Variants in PCDHA11 observed in about 807,000 individuals in gnomAD.
PCDHA11 encodes protocadherin alpha 11, also known as protocadherin alpha-11.
Under a neutral mutation model 70.3 loss-of-function variants are expected in PCDHA11, and 61 were observed. The ratio of observed to expected loss-of-function variants is 0.87; its 90% CI spans 0.71 to 1.07. The LOEUF is 1.07. Among genes scored for constraint, PCDHA11 ranks in the 50% least tolerant of loss-of-function variants. PCDHA11 has a pLI of 0.00. For missense variants in PCDHA11, 1,324 were observed against 1,237.5 expected (o/e 1.07, Z -1.05); for synonymous variants, 633 against 555.1 (o/e 1.14, Z -1.97).
At chr5:140,966,825 T>C in intron 1 of PCDHA11, 3 of 1,560,026 alleles carry the variant, frequency 1.9e-6, no homozygotes, top group Non-Finnish European at 2.6e-6. Flanking sequence ...CGGCGGCCCA[T>C]GCCCTGGCTG....
At chr5:140,938,907 A>T (rs2092260332) in intron 1 of PCDHA11, among the ~76,000 whole-genome samples, 1 of 152,090 alleles carries the variant, frequency 6.6e-6, no homozygotes, top group Non-Finnish European at 1.5e-5. Context: ...GCACACACAC[A>T]CACGCACAAG....
chr5:140,916,161 GC>G (rs2077457967), intron 1 of PCDHA11, among the ~76,000 whole-genome samples: 1 of 152,084 alleles, frequency 6.6e-6, no homozygotes, highest in African/African-American at 2.4e-5. Flanking sequence ...GGTGAATGCT[GC>G]CAGGCCTGGG....
At chr5:140,877,535 A>T in intron 1 of PCDHA11, 1 of 1,613,750 alleles carries the variant, frequency 6.2e-7, no homozygotes, top group Admixed American at 1.7e-5. Flanking sequence ...GGCGCTGTGG[A>T]TCCCGAAGCG....
At chr5:140,882,424 G>A in intron 1 of PCDHA11, 1 of 1,614,114 alleles carries the variant, frequency 6.2e-7, no homozygotes, top group Non-Finnish European at 8.5e-7. Context: ...CTCAGGACCT[G>A]GGGCTGGAGC....
At chr5:140,990,025 T>C (rs2097371572) in intron 3 of PCDHA11, among the ~76,000 whole-genome samples, 1 of 151,914 alleles carries the variant, frequency 6.6e-6, no homozygotes, top group African/African-American at 2.4e-5. Flanking sequence ...AGGCAAAGGA[T>C]GGGAGAAGTC....
intron 1 of PCDHA11, among the ~76,000 whole-genome samples, chr5:140,941,438 C>G (rs1408570275): frequency 6.6e-6 from 1 of 150,766 alleles, no homozygotes; most frequent in East Asian, 1.9e-4. Flanking sequence ...GCCTCAGCCT[C>G]GGGAGTAGCT....
chr5:140,905,427 A>G lies in PCDHA11; in HGVS notation c.2391+33933A>G, dbSNP rs185931856. 5.3e-5 allele frequency among the ~76,000 whole-genome samples: 8 copies of G among 152,298 alleles called. No homozygotes were observed. The East Asian group carries it at 1.5e-3, about 29-fold the overall frequency. ...TTTATACCAGTACCATGCTGGTTTG[A>G]TAACTACAGCCTTTTAGTATAATTT... On this transcript the variant is annotated intron_variant, in intron 1 of 3. Transcript: ENST00000398640.
At position 140,960,310 on chromosome 5, in the gene PCDHA11, C is replaced by A. The variant is rs143765051; in HGVS notation, c.2392-18639C>A. Among the ~76,000 whole-genome samples, 659 of 152,264 alleles carry A rather than the reference C, an allele frequency of 4.3e-3. 9 individuals are homozygous for A. Among genetic ancestry groups the A allele is most frequent in the Admixed American group, 4.1e-3 (63 of 15,288 alleles). ...CCAGTTTCTTCATCAATACCAACCTCATTAGGGTCCTGTGAGAAGTACATG... is the reference window on the plus strand; with the variant it reads ...CCAGTTTCTTCATCAATACCAACCTAATTAGGGTCCTGTGAGAAGTACATG... On this transcript the variant is annotated intron_variant, in intron 1 of 3. Transcript: ENST00000398640.
At position 140,870,884 on chromosome 5, in the gene PCDHA11, G is replaced by T. The variant is rs376620715; in HGVS notation, c.1781G>T (p.Arg594Leu). Residue 594 changes from arginine to leucine, a missense_variant, in exon 1 of 4, where the codon CGC becomes CTC. By Grantham distance (102) the Arg-to-Leu change is moderately radical (BLOSUM62 -2). Coordinates refer to ENST00000398640, the MANE Select transcript of PCDHA11 (RefSeq NM_018902.5). ...VGAGHVVAKV[R>L]AVDADSGYNA... ...GCGGGCCACGTGGTGGCGAAGGTGC[G>T]CGCAGTGGATGCGGACTCAGGCTAC... is the stretch of plus-strand genomic sequence containing the variant. The T allele has an allele frequency of 9.3e-6, 15 of 1,613,948 alleles. No individual in the cohort carries two copies. In the African/African-American group the frequency reaches 1.7e-4, roughly 19 times the overall value.
At chr5:140,941,204 T>TTTCC (rs1348435161) in intron 1 of PCDHA11, among the ~76,000 whole-genome samples, 2 of 88,662 alleles carry the variant, frequency 2.3e-5, no homozygotes, top group Non-Finnish European at 4.4e-5. Flanking sequence ...TCTTTCTTCC[T>TTTCC]TTCTTTCTTC....
At position 140,924,416 on chromosome 5, in the gene PCDHA11, T is replaced by A. The variant is rs1283567998; in HGVS notation, c.2391+52922T>A. 1.3e-5 allele frequency among the ~76,000 whole-genome samples: 2 copies of A among 152,192 alleles called. 1 individual carries two copies. The highest frequency in any genetic ancestry group is 4.1e-4 in the South Asian group (2 of 4,830). ...TATTGCCTTATATCACAGTGTGCCC[T>A]TTCTAGTTCCCTAGAAGAGATAACG... is the stretch of plus-strand genomic sequence containing the variant. On this transcript the variant is annotated intron_variant, in intron 1 of 3. Coordinates refer to ENST00000398640, the MANE Select transcript of PCDHA11 (RefSeq NM_018902.5).
At chr5:141,006,837 TG>T (rs1477008780) in intron 3 of PCDHA11, among the ~76,000 whole-genome samples, 2 of 152,186 alleles carry the variant, frequency 1.3e-5, no homozygotes, top group African/African-American at 4.8e-5. Context: ...TGTAATTTAC[TG>T]AAACTGGAAA....
intron 1 of PCDHA11, among the ~76,000 whole-genome samples, chr5:140,908,023 A>G (rs797031285): frequency 5.9e-5 from 9 of 152,314 alleles, no homozygotes; most frequent in Admixed American, 2.6e-4. Context: ...GCTACAGCCC[A>G]TTAATCAGTA....
chr5:140,870,632 A>G lies in PCDHA11; in HGVS notation c.1529A>G (p.His510Arg). 1 of 1,612,930 alleles carries G rather than the reference A, an allele frequency of 6.2e-7. No individual in the cohort carries two copies. Among genetic ancestry groups the G allele is most frequent in the Non-Finnish European group, 8.5e-7 (1 of 1,179,782 alleles). The change falls in exon 1 of 4, where the codon CAC (histidine) becomes CGC (arginine). Residue 510 changes from histidine (H) to arginine (R), a missense_variant. Physicochemically the swap from His to Arg is conservative, Grantham distance 29. Transcript: ENST00000398640. ...GCGCTGTCGAGCTACGTGTCGGTGC[A>G]CGCGGAGAGCGGCAAGGTGTACGCG... The part of the protein sequence containing the change: ...DRALSSYVSV[H>R]AESGKVYALQ...
At position 141,010,952 on chromosome 5, in the gene PCDHA11, T is replaced by C. The variant is rs1217882818; in HGVS notation, c.*1015T>C. On this transcript the variant is annotated 3_prime_UTR_variant, in exon 4 of 4. Coordinates refer to ENST00000398640, the MANE Select transcript of PCDHA11 (RefSeq NM_018902.5). ...AGTCTACAGCCATTTAAATGATCAT[T>C]GCTGCTACAGAAGTGCTTTAAGAGA... 1 of 153,792 alleles carries C rather than the reference T, an allele frequency of 6.5e-6. No individual in the cohort carries two copies. Among genetic ancestry groups the C allele is most frequent in the East Asian group, 1.9e-4 (1 of 5,194 alleles). The allele number at this position is 153,792 out of a possible 1,614,324, so 9.5% of individuals were successfully genotyped here. A position where few individuals can be genotyped will look rare whatever the true frequency, so the allele number is the denominator to read the frequency against.
chr5:140,955,492 A>G, intron 1 of PCDHA11, among the ~76,000 whole-genome samples: 1 of 152,138 alleles, frequency 6.6e-6, no homozygotes, highest in East Asian at 1.9e-4. Context: ...TCCTGCCACC[A>G]TGTGAAGAAA....
chr5:140,890,069 A>C (rs1554184149), intron 1 of PCDHA11, among the ~76,000 whole-genome samples: 1 of 152,204 alleles, frequency 6.6e-6, no homozygotes, highest in Non-Finnish European at 1.5e-5. Flanking sequence ...TTACTGGCTT[A>C]TGAGAACTGA....
intron 1 of PCDHA11, among the ~76,000 whole-genome samples, chr5:140,879,173 G>A (rs1010561937): frequency 6.6e-6 from 1 of 152,278 alleles, no homozygotes; most frequent in Non-Finnish European, 1.5e-5. Context: ...AATAAATTAG[G>A]TATCAAGTAA....
chr5:140,891,399 C>T (rs979878059), intron 1 of PCDHA11, among the ~76,000 whole-genome samples: 12 of 151,644 alleles, frequency 7.9e-5, no homozygotes, highest in African/African-American at 2.4e-4. Context: ...TTTTATCCCT[C>T]GCCACCCCCC....
Sources: allele counts gnomAD v4.1 joint callset (sites outside exome capture counted in the v4.1 genomes callset), GRCh38; gene constraint gnomAD v4.1.1; transcripts MANE v1.5; gene names NCBI Gene and HGNC (gene_info 2026-07-23, HGNC 2026-07-21).